The following KCNMA1 variants were observed in gnomAD, a reference collection of about 807,000 sequenced individuals.
KCNMA1 encodes the protein potassium calcium-activated channel subfamily M alpha 1, also known as Calcium-activated potassium channel subunit alpha-1.
In KCNMA1, 29 loss-of-function variants were observed where a neutral mutation model predicts 140.0. The observed-to-expected ratio is 0.21, with a 90% confidence interval of 0.15 to 0.28. The LOEUF is 0.28. Ranked by LOEUF, KCNMA1 falls within the 10% of genes least tolerant of loss-of-function variation. The pLI, the probability that KCNMA1 is intolerant of heterozygous loss-of-function variation, is 1.00. For missense variants in KCNMA1, 880 were observed against 1,602.2 expected, an observed-to-expected ratio of 0.55 and a Z score of 7.70; for synonymous variants, 612 against 611.9, an observed-to-expected ratio of 1.00 and a Z score of 0.00.
intron 29 of KCNMA1, among the ~76,000 whole-genome samples, chr10:76,879,319 T>C (rs1299954885): frequency 6.6e-6 from 1 of 152,142 alleles, no homozygotes; most frequent in African/African-American, 2.4e-5. Flanking sequence ...GGAAACTTGC[T>C]GCCTCTTGCC....
intron 19 of KCNMA1, among the ~76,000 whole-genome samples, chr10:76,983,034 T>C (rs2080055635): frequency 1.3e-5 from 2 of 152,252 alleles, no homozygotes; most frequent in African/African-American, 4.8e-5. Flanking sequence ...AGGATGGCTA[T>C]TTCTTGTCTT....
chr10:77,246,181 C>T (rs778283464), intron 3 of KCNMA1, among the ~76,000 whole-genome samples: 2 of 152,340 alleles, frequency 1.3e-5, no homozygotes, highest in Non-Finnish European at 2.9e-5. Flanking sequence ...AAATTTACTT[C>T]TTGACACTTA....
intron 5 of KCNMA1, among the ~76,000 whole-genome samples, chr10:77,170,499 AG>A (rs2098693242): frequency 6.9e-6 from 1 of 145,030 alleles, no homozygotes; most frequent in Non-Finnish European, 1.5e-5. Flanking sequence ...AGAAGGTCAG[AG>A]GTGAGGCTCC....
At chr10:77,374,823 G>C (rs2094969063) in intron 2 of KCNMA1, among the ~76,000 whole-genome samples, 1 of 152,164 alleles carries the variant, frequency 6.6e-6, no homozygotes, top group Non-Finnish European at 1.5e-5. Context: ...TGACCCCTAG[G>C]ACTGAATGAG....
At chr10:77,080,591 T>C (rs750450657) in intron 12 of KCNMA1, among the ~76,000 whole-genome samples, 2 of 152,132 alleles carry the variant, frequency 1.3e-5, no homozygotes, top group African/African-American at 2.4e-5. Flanking sequence ...GTCTGTGTCC[T>C]GGGCATGAAA....
intron 20 of KCNMA1, among the ~76,000 whole-genome samples, chr10:76,960,267 T>C (rs1283808148): frequency 6.6e-6 from 1 of 152,202 alleles, no homozygotes; most frequent in Non-Finnish European, 1.5e-5. Context: ...TGGCCAAGTA[T>C]GGTGGCTCAT....
rs1282608141 is a variant in KCNMA1, at chr10:77,061,086, C to T, written c.1749+12011G>A. Among the ~76,000 whole-genome samples, 7 of 152,226 alleles carry T rather than the reference C, an allele frequency of 4.6e-5. No homozygotes were observed. The East Asian group carries it at 1.4e-3, about 29-fold the overall frequency. ...TTGCAGTAGCCATAGGAAACTAATA[C>T]ATAGAGTTTCATTTATCTTGGGTAG... On this transcript the variant is annotated intron_variant, in intron 14 of 27. Transcript: ENST00000286628.
At chr10:77,083,489 C>T (rs1200075504) in intron 12 of KCNMA1, among the ~76,000 whole-genome samples, 1 of 143,822 alleles carries the variant, frequency 7.0e-6, no homozygotes, top group Non-Finnish European at 1.5e-5. Context: ...ATGACCTCCC[C>T]TAGATGTTCT....
intron 2 of KCNMA1, chr10:77,313,947 C>A (rs1233384773): frequency 6.6e-6 from 1 of 152,032 alleles, no homozygotes. Flanking sequence ...CAGGTTGCAA[C>A]CTATTAGTGG....
rs75278691 is a variant in KCNMA1, at chr10:77,622,109, A to G, written c.378+15156T>C. ...GACTGTATATAGCCCACTGCCTGTC[A>G]GGTAGAGAAAAGGTGATTATCCCAT... On this transcript the variant is annotated intron_variant, in intron 1 of 27. Transcript: ENST00000286628. 1.3e-3 allele frequency among the ~76,000 whole-genome samples: 195 copies of G among 152,322 alleles called. 3 individuals carry two copies. The highest frequency in any genetic ancestry group is 4.6e-3 in the African/African-American group (190 of 41,572).
At chr10:77,093,630 C>A (rs576040473) in intron 9 of KCNMA1, among the ~76,000 whole-genome samples, 1 of 152,202 alleles carries the variant, frequency 6.6e-6, no homozygotes, top group African/African-American at 2.4e-5. Flanking sequence ...ATTTATTTAC[C>A]AGAAATATTT....
At chr10:77,201,919 C>G (rs1201356954) in intron 3 of KCNMA1, among the ~76,000 whole-genome samples, 1 of 152,092 alleles carries the variant, frequency 6.6e-6, no homozygotes, top group Admixed American at 6.5e-5. Flanking sequence ...GATAACATAC[C>G]ATGCATGCCT....
intron 2 of KCNMA1, among the ~76,000 whole-genome samples, chr10:77,362,341 CT>C (rs553752141): frequency 0.042 from 2,130 of 50,648 alleles, 13 homozygotes; most frequent in Middle Eastern, 0.094. Flanking sequence ...CCCCCACCCC[CT>C]ATCCCCCCCC....
intron 14 of KCNMA1, chr10:77,071,529 A>G (rs2096212000): frequency 6.6e-6 from 1 of 152,208 alleles, no homozygotes; most frequent in Non-Finnish European, 1.5e-5. Context: ...CCTGGGAGAC[A>G]CGTGGCTACA....
chr10:77,004,578 C>G (rs1385908919), intron 18 of KCNMA1, among the ~76,000 whole-genome samples: 1 of 152,186 alleles, frequency 6.6e-6, no homozygotes, highest in Non-Finnish European at 1.5e-5. Context: ...CATGAACAAA[C>G]TCTTTAACTA....
chr10:77,312,642 CA>C (rs1241598458), intron 2 of KCNMA1, among the ~76,000 whole-genome samples: 1 of 152,076 alleles, frequency 6.6e-6, no homozygotes, highest in Non-Finnish European at 1.5e-5. Flanking sequence ...TAAAGAATGC[CA>C]AGAGGCATAA....
chr10:77,311,465 G>A (rs949643200), intron 2 of KCNMA1, among the ~76,000 whole-genome samples: 6 of 152,124 alleles, frequency 3.9e-5, no homozygotes, highest in African/African-American at 1.4e-4. Context: ...AGGGGGAGGA[G>A]GAATGGCAGC....
intron 2 of KCNMA1, among the ~76,000 whole-genome samples, chr10:77,370,940 T>C (rs2094659405): frequency 1.3e-5 from 2 of 152,170 alleles, no homozygotes; most frequent in South Asian, 4.1e-4. Context: ...CTAACACCAG[T>C]CATTCCTGTA....
intron 1 of KCNMA1, among the ~76,000 whole-genome samples, chr10:77,479,783 G>A (rs2098350628): frequency 6.6e-6 from 1 of 152,168 alleles, no homozygotes; most frequent in Admixed American, 6.5e-5. Context: ...ATGCTGCCTG[G>A]TGACATTTCC....
Sources: gnomAD v4.1 joint callset for allele counts (sites outside exome capture counted in the v4.1 genomes callset) on GRCh38, gnomAD v4.1.1 for gene constraint, MANE v1.5 for transcripts, NCBI Gene and HGNC (gene_info 2026-07-23, HGNC 2026-07-21) for gene names.